TMEM50B: variants seen among roughly 807,000 people sequenced by gnomAD.
The protein encoded by TMEM50B is transmembrane protein 50B.
Under a neutral mutation model 23.4 loss-of-function variants are expected in TMEM50B, and 14 were observed. The ratio of observed to expected loss-of-function variants is 0.60; its 90% CI spans 0.39 to 0.93. TMEM50B has a LOEUF of 0.93. Ranked by LOEUF, TMEM50B falls within the 40% of genes least tolerant of loss-of-function variation. The pLI, the probability that TMEM50B is intolerant of heterozygous loss-of-function variation, is 0.00. For synonymous variants in TMEM50B, 64 were observed against 62.3 expected, an observed-to-expected ratio of 1.03 and a Z score of -0.13; for missense variants, 159 against 193.0, an observed-to-expected ratio of 0.82 and a Z score of 1.04.
intron 6 of TMEM50B, among the ~76,000 whole-genome samples, chr21:33,454,541 T>G (rs568463616): frequency 6.6e-6 from 1 of 152,218 alleles, no homozygotes; most frequent in East Asian, 1.9e-4. Context: ...CCTCAGATGA[T>G]CCACCCACTT....
At chr21:33,466,040 T>TC (rs1386182730) in intron 3 of TMEM50B, among the ~76,000 whole-genome samples, 2 of 152,006 alleles carry the variant, frequency 1.3e-5, no homozygotes, top group African/African-American at 4.8e-5. Context: ...AGCAGGCAAA[T>TC]CACGAGGTCA....
intron 4 of TMEM50B, among the ~76,000 whole-genome samples, chr21:33,461,867 ACTTT>A (rs1204381745): frequency 2.0e-5 from 3 of 152,276 alleles, no homozygotes; most frequent in African/African-American, 7.2e-5. Context: ...TATACATTAA[ACTTT>A]CTAATAGAAT....
intron 7 of TMEM50B, among the ~76,000 whole-genome samples, chr21:33,442,372 G>C (rs2084015899): frequency 6.6e-6 from 1 of 152,136 alleles, no homozygotes; most frequent in Admixed American, 6.5e-5. Flanking sequence ...TATGGAAACT[G>C]GTCAGAGTGG....
chr21:33,465,251 A>T (rs1293578001), intron 4 of TMEM50B, 91 bp downstream of exon 4: 1 of 823,046 alleles, frequency 1.2e-6, no homozygotes, highest in Non-Finnish European at 2.0e-6. Flanking sequence ...AATCATTACC[A>T]GTCTTGAATA....
intron 6 of TMEM50B, 61 bp from the exon 7 acceptor site, chr21:33,450,924 C>T: frequency 2.1e-6 from 3 of 1,420,714 alleles, no homozygotes; most frequent in Non-Finnish European, 3.0e-6. Flanking sequence ...ACACAGAATT[C>T]ATTTTCTCAA....
In TMEM50B at chr21:33,455,645, TG is replaced by T. The variant is rs1203927067; in HGVS notation, c.431+81del. Reference sequence around the variant, plus strand: ...TTGTAACCAATCCATGGGATTTATATGTGTTCCATATATATGCTGCCTTAAT... The same window carrying T: ...TTGTAACCAATCCATGGGATTTATATTGTTCCATATATATGCTGCCTTAAT... On this transcript the variant is annotated intron_variant, in intron 6 of 6. Transcript: ENST00000542230. 2.4e-5 allele frequency: 28 copies of T among 1,147,302 alleles called. No individual in the cohort carries two copies. In the Middle Eastern group the frequency reaches 1.9e-3, roughly 76 times the overall value. The allele number at this position is 1,147,302 out of a possible 1,614,324, so 71.1% of individuals were successfully genotyped here.
intron 1 of TMEM50B, among the ~76,000 whole-genome samples, chr21:33,470,041 T>G (rs1253658096): frequency 1.3e-5 from 2 of 152,046 alleles, no homozygotes; most frequent in African/African-American, 4.8e-5. Context: ...ATACTATTTT[T>G]AAAAACAAAG....
downstream of TMEM50B, among the ~76,000 whole-genome samples, chr21:33,448,115 T>C (rs1254907230): frequency 1.3e-5 from 2 of 152,006 alleles, no homozygotes. Context: ...TGCCTCAGCC[T>C]CCCGAGTAGC....
chr21:33,459,392 A>G (rs371100284), intron 5 of TMEM50B, among the ~76,000 whole-genome samples: 1 of 152,122 alleles, frequency 6.6e-6, no homozygotes, highest in East Asian at 1.9e-4. Flanking sequence ...TTGGCTGGGC[A>G]TGGTGGCTCA....
At chr21:33,471,652 T>C (rs545158601) in intron 1 of TMEM50B, among the ~76,000 whole-genome samples, 18 of 152,172 alleles carry the variant, frequency 1.2e-4, no homozygotes, top group African/African-American at 3.1e-4. Context: ...GGCAGGAAGA[T>C]TGCTTGAGGC....
chr21:33,454,124 A>C (rs933132149), intron 6 of TMEM50B, among the ~76,000 whole-genome samples: 1 of 148,332 alleles, frequency 6.7e-6, no homozygotes, highest in Non-Finnish European at 1.5e-5. Context: ...AAAAAAAGAC[A>C]TTCATTCTAA....
chr21:33,474,208 GT>G (rs545060703), intron 1 of TMEM50B, among the ~76,000 whole-genome samples: 1 of 148,008 alleles, frequency 6.8e-6, no homozygotes, highest in East Asian at 1.9e-4. Context: ...GGTTGTTGTT[GT>G]TTTTTTTAAG....
At chr21:33,464,699 G>A (rs2084248379) in intron 4 of TMEM50B, among the ~76,000 whole-genome samples, 1 of 149,874 alleles carries the variant, frequency 6.7e-6, no homozygotes, top group African/African-American at 2.4e-5. Flanking sequence ...CAGCTCTCGG[G>A]AGGGTGAGGC....
intron 6 of TMEM50B, among the ~76,000 whole-genome samples, chr21:33,451,896 CA>C (rs1568976368): frequency 6.6e-6 from 1 of 151,886 alleles, no homozygotes. Context: ...GATCAGCTTG[CA>C]AGGAAAACAG....
chr21:33,448,962 A>G (rs1029679362), downstream of TMEM50B: 7 of 151,998 alleles, frequency 4.6e-5, no homozygotes, highest in Admixed American at 3.3e-4. Flanking sequence ...AACAGCCACC[A>G]TTTCCAGTCA....
At chr21:33,459,511 T>A (rs939084704) in intron 5 of TMEM50B, among the ~76,000 whole-genome samples, 2 of 151,646 alleles carry the variant, frequency 1.3e-5, no homozygotes, top group Non-Finnish European at 2.9e-5. Flanking sequence ...ACTAAAAAAA[T>A]ACAAAAATTA....
chr21:33,453,041 TAG>T (rs2084136583), intron 6 of TMEM50B, among the ~76,000 whole-genome samples: 1 of 152,190 alleles, frequency 6.6e-6, no homozygotes, highest in Admixed American at 6.6e-5. Context: ...ATTGCAGAAG[TAG>T]AGATTAATTT....
At chr21:33,437,171 T>C (rs1201515379) in intron 8 of TMEM50B, 2 of 559,992 alleles carry the variant, frequency 3.6e-6, no homozygotes, top group Admixed American at 3.1e-5. Context: ...AATTCCAGAA[T>C]GATTTTACGG....
At chr21:33,434,800 C>CT (rs1341318786) in intron 8 of TMEM50B, among the ~76,000 whole-genome samples, 1 of 152,152 alleles carries the variant, frequency 6.6e-6, no homozygotes, top group African/African-American at 2.4e-5. Flanking sequence ...ATCACAGCTC[C>CT]TAACAGGTCT....
Sources: gnomAD v4.1 joint callset for allele counts (sites outside exome capture counted in the v4.1 genomes callset) on GRCh38, gnomAD v4.1.1 for gene constraint, MANE v1.5 for transcripts, NCBI Gene and HGNC (gene_info 2026-07-23, HGNC 2026-07-21) for gene names.